The following CD2AP variants were observed in gnomAD, a reference collection of about 807,000 sequenced individuals.
CD2AP encodes the protein CD2-associated protein.
Under a neutral mutation model 85.1 loss-of-function variants are expected in CD2AP, and 46 were observed. That is an observed-to-expected ratio of 0.54 (90% CI 0.43 to 0.69). CD2AP has a LOEUF of 0.69. Among genes scored for constraint, CD2AP ranks in the 30% least tolerant of loss-of-function variants. The pLI, the probability that CD2AP is intolerant of heterozygous loss-of-function variation, is 0.00. For synonymous variants in CD2AP, 255 were observed against 252.9 expected, an observed-to-expected ratio of 1.01 and a Z score of -0.08; for missense variants, 769 against 729.5, an observed-to-expected ratio of 1.05 and a Z score of -0.62.
intron 2 of CD2AP, among the ~76,000 whole-genome samples, chr6:47,516,411 G>A (rs991539706): frequency 6.6e-6 from 1 of 152,208 alleles, no homozygotes; most frequent in African/African-American, 2.4e-5. Context: ...TTGGCCCATA[G>A]CAATGATGTG....
chr6:47,554,525 AAG>A, intron 4 of CD2AP, 119 bp from the exon 5 acceptor site: 1 of 899,276 alleles, frequency 1.1e-6, no homozygotes, highest in South Asian at 1.6e-5. Flanking sequence ...TTAAATTTTA[AAG>A]GGTTTATTTC....
chr6:47,509,022 T>C (rs1190753669), intron 2 of CD2AP, among the ~76,000 whole-genome samples: 1 of 152,218 alleles, frequency 6.6e-6, no homozygotes, highest in East Asian at 1.9e-4. Context: ...AACTTGGTCA[T>C]TTCTAGCTTT....
At chr6:47,550,761 C>T (rs955539406) in intron 4 of CD2AP, among the ~76,000 whole-genome samples, 1 of 152,092 alleles carries the variant, frequency 6.6e-6, no homozygotes, top group Non-Finnish European at 1.5e-5. Context: ...TTCACAATTG[C>T]AAAAATGTGG....
chr6:47,548,390 A>G (rs1241883562), intron 4 of CD2AP, among the ~76,000 whole-genome samples: 1 of 152,178 alleles, frequency 6.6e-6, no homozygotes, highest in African/African-American at 2.4e-5. Context: ...GACACCACAG[A>G]AATACAAAAG....
chr6:47,572,635 TATTAA>T (rs1768189229), intron 5 of CD2AP, among the ~76,000 whole-genome samples: 1 of 152,246 alleles, frequency 6.6e-6, no homozygotes, highest in Admixed American at 6.5e-5. Context: ...TGAGCCATTA[TATTAA>T]ATTGTTTAAG....
In CD2AP at chr6:47,627,032, G is replaced by A. The variant is rs1174558380; in HGVS notation, c.*2805G>A. ...CCTAACATTCCAAAAAAAAAATTGA[G>A]AGGGGGAATCTCAAAATAGTATATA... is the stretch of plus-strand genomic sequence containing the variant. On this transcript the variant is annotated 3_prime_UTR_variant, in exon 18 of 18. Coordinates refer to ENST00000359314, the MANE Select transcript of CD2AP (RefSeq NM_012120.3). 2.6e-5 allele frequency: 4 copies of A among 152,470 alleles called. No homozygotes were observed. Among genetic ancestry groups the A allele is most frequent in the African/African-American group, 9.6e-5 (4 of 41,530 alleles). 9.4% of individuals were successfully genotyped at this position (152,470 alleles called of 1,614,324 possible). A position where few individuals can be genotyped will look rare whatever the true frequency, so the allele number is the denominator to read the frequency against.
chr6:47,538,987 C>T (rs1767129047), intron 3 of CD2AP, among the ~76,000 whole-genome samples: 1 of 152,090 alleles, frequency 6.6e-6, no homozygotes, highest in Non-Finnish European at 1.5e-5. Context: ...AATTTTTGAA[C>T]TCTTGTGTGT....
At chr6:47,610,937 A>T (rs1562056417) in intron 16 of CD2AP, among the ~76,000 whole-genome samples, 1 of 138,838 alleles carries the variant, frequency 7.2e-6, no homozygotes, top group African/African-American at 2.7e-5. Flanking sequence ...GAACGGATAA[A>T]ATATTTCTGA....
At chr6:47,622,818 T>C (rs559504702) in intron 17 of CD2AP, among the ~76,000 whole-genome samples, 1 of 152,310 alleles carries the variant, frequency 6.6e-6, no homozygotes, top group South Asian at 2.1e-4. Flanking sequence ...CGCATGCTGT[T>C]CTGTCTGGAG....
intron 5 of CD2AP, among the ~76,000 whole-genome samples, chr6:47,572,263 C>T (rs562109622): frequency 6.4e-4 from 98 of 152,300 alleles, no homozygotes; most frequent in Admixed American, 2.2e-3. Context: ...CTCATGCCTG[C>T]GCCCGGATCC....
intron 7 of CD2AP, 85 bp downstream of exon 7, chr6:47,576,687 C>T (rs1412672391): frequency 2.1e-5 from 21 of 1,014,590 alleles, no homozygotes; most frequent in Non-Finnish European, 3.0e-5. Context: ...GCATTTGTTA[C>T]ACTGTCTTAT....
intron 4 of CD2AP, among the ~76,000 whole-genome samples, chr6:47,550,250 C>T (rs1444849203): frequency 6.6e-6 from 1 of 152,090 alleles, no homozygotes; most frequent in Admixed American, 6.5e-5. Flanking sequence ...GCAAAAGAAA[C>T]AGTCAGCAGA....
intron 13 of CD2AP, among the ~76,000 whole-genome samples, chr6:47,603,282 G>A (rs1481241303): frequency 6.6e-6 from 1 of 151,984 alleles, no homozygotes; most frequent in Non-Finnish European, 1.5e-5. Context: ...TTTTTATAGT[G>A]AGATATTTTA....
At position 47,485,663 on chromosome 6, in the gene CD2AP, T is replaced by C. The variant is rs560947675; in HGVS notation, c.4+7415T>C. On this transcript the variant is annotated intron_variant, in intron 1 of 17. Coordinates refer to ENST00000359314, the MANE Select transcript of CD2AP (RefSeq NM_012120.3). ...TAATGTCCTAGGCCTTCACATTTGCTCACCACTCACTGACTCACCCAGTGC... is the reference window on the plus strand; with the variant it reads ...TAATGTCCTAGGCCTTCACATTTGCCCACCACTCACTGACTCACCCAGTGC... Among the ~76,000 whole-genome samples the C allele has an allele frequency of 1.2e-4, 19 of 152,320 alleles. No homozygotes were observed. In the South Asian group the frequency reaches 3.9e-3, roughly 32 times the overall value.
In CD2AP at chr6:47,514,478, A is replaced by G. The variant is rs1018529236; in HGVS notation, c.165+11038A>G. On this transcript the variant is annotated intron_variant, in intron 2 of 17. Transcript: ENST00000359314. ...TGGGTATAACTTTGATTCAGTATCA[A>G]TGTCTTGGCTAGTTCATATTTGGCA... Among the ~76,000 whole-genome samples, 48 of 152,222 alleles carry G rather than the reference A, an allele frequency of 3.2e-4. 2 individuals carry two copies. Among genetic ancestry groups the G allele is most frequent in the Admixed American group, 6.5e-5 (1 of 15,280 alleles).
intron 5 of CD2AP, among the ~76,000 whole-genome samples, chr6:47,571,240 A>G (rs1397784332): frequency 6.6e-6 from 1 of 152,218 alleles, no homozygotes; most frequent in Non-Finnish European, 1.5e-5. Flanking sequence ...TATTAAAACT[A>G]TATAGAATAC....
Position 47,606,165 on chromosome 6 carries a change from A to G in CD2AP, c.1418A>G (p.Asp473Gly), listed in dbSNP as rs1315767017. 5 of 1,455,038 alleles carry G rather than the reference A, an allele frequency of 3.4e-6. No homozygotes were observed. The highest frequency in any genetic ancestry group is 1.4e-5 in the African/African-American group (1 of 71,732). 90.1% of individuals were successfully genotyped at this position (1,455,038 alleles called of 1,614,324 possible). A position where few individuals can be genotyped will look rare whatever the true frequency, so the allele number is the denominator to read the frequency against. The change falls in exon 14 of 18, where the codon GAT becomes GGT. Residue 473 changes from aspartate to glycine, a missense_variant and splice_region_variant. Physicochemically the swap from Asp to Gly is moderately conservative, Grantham distance 94. Coordinates refer to ENST00000359314, the MANE Select transcript of CD2AP (RefSeq NM_012120.3). ...SLTVRTSKET[D>G]VVNFDDIASS... ...AATAATGTTTATTTTTATTTTCTAGATGTTGTAAATTTTGATGACATAGCT... is the reference window on the plus strand; with the variant it reads ...AATAATGTTTATTTTTATTTTCTAGGTGTTGTAAATTTTGATGACATAGCT...
At position 47,581,552 on chromosome 6, in the gene CD2AP, G is replaced by A. The variant is rs910564168; in HGVS notation, c.1046-451G>A. Among the ~76,000 whole-genome samples, 3 of 152,226 alleles carry A rather than the reference G, an allele frequency of 2.0e-5. No homozygotes were observed. The South Asian group carries it at 6.2e-4, about 32-fold the overall frequency. On this transcript the variant is annotated intron_variant, in intron 10 of 17. Transcript: ENST00000359314. ...ACATAAGTTAAAAGTAATTTTTATA[G>A]AAGTTGGTGTTGAAAGCTTTTTATA... is the stretch of plus-strand genomic sequence containing the variant.
chr6:47,496,381 T>A (rs896191028), intron 1 of CD2AP, among the ~76,000 whole-genome samples: 1 of 152,216 alleles, frequency 6.6e-6, no homozygotes, highest in Non-Finnish European at 1.5e-5. Context: ...TTCTTTCCTC[T>A]TTGTCTTTCA....
Sources: gnomAD v4.1 joint callset for allele counts (sites outside exome capture counted in the v4.1 genomes callset) on GRCh38, gnomAD v4.1.1 for gene constraint, MANE v1.5 for transcripts, NCBI Gene and HGNC (gene_info 2026-07-23, HGNC 2026-07-21) for gene names.